The following RARB variants were observed in gnomAD, a reference collection of about 807,000 sequenced individuals.
RARB encodes HBV-activated protein.
Under a neutral mutation model 51.9 loss-of-function variants are expected in RARB, and 17 were observed. The observed-to-expected ratio is 0.33, with a 90% CI of 0.22 to 0.49. The LOEUF (loss-of-function observed/expected upper bound fraction) is 0.49. Among genes scored for constraint, RARB ranks in the 20% least tolerant of loss-of-function variants. The probability of loss-of-function intolerance (pLI) is 0.99; values close to 1 mark genes in which losing one functional copy is unlikely to be tolerated. For synonymous variants in RARB, 215 were observed against 195.4 expected (o/e 1.10, Z -0.84); for missense variants, 369 against 550.8 (o/e 0.67, Z 3.30).
intron 4 of RARB, among the ~76,000 whole-genome samples, chr3:25,579,411 T>G (rs1333676041): frequency 6.6e-6 from 1 of 152,228 alleles, no homozygotes; most frequent in Non-Finnish European, 1.5e-5. Context: ...TGAACTGTTC[T>G]CAATCACTAT....
chr3:25,179,773 ATTACT>A (rs1256007739), intron 5 of RARB, among the ~76,000 whole-genome samples: 2 of 152,146 alleles, frequency 1.3e-5, no homozygotes, highest in African/African-American at 4.8e-5. Flanking sequence ...ACAGGTATTG[ATTACT>A]TTAGTGCCTC....
chr3:25,183,315 C>G (rs1448989804), intron 5 of RARB, among the ~76,000 whole-genome samples: 16 of 152,064 alleles, frequency 1.1e-4, no homozygotes, highest in Non-Finnish European at 1.5e-5. Context: ...TTTATCCTGA[C>G]AGCTACAAGT....
chr3:25,220,299 T>C (rs761775434), intron 5 of RARB, among the ~76,000 whole-genome samples: 5 of 152,242 alleles, frequency 3.3e-5, no homozygotes, highest in Non-Finnish European at 7.3e-5. Flanking sequence ...GGAATTCATC[T>C]TGCAGTAACT....
intron 5 of RARB, among the ~76,000 whole-genome samples, chr3:25,296,840 T>C (rs1452487632): frequency 6.6e-6 from 1 of 152,182 alleles, no homozygotes; most frequent in Non-Finnish European, 1.5e-5. Context: ...GAGCCAGACA[T>C]CTCACTTGCA....
At chr3:25,234,356 G>T (rs1440384398) in intron 5 of RARB, among the ~76,000 whole-genome samples, 1 of 152,114 alleles carries the variant, frequency 6.6e-6, no homozygotes, top group African/African-American at 2.4e-5. Flanking sequence ...AGAGTCTGTA[G>T]TGATATCCTC....
At chr3:25,217,541 C>T (rs566657030) in intron 5 of RARB, among the ~76,000 whole-genome samples, 1 of 151,944 alleles carries the variant, frequency 6.6e-6, no homozygotes, top group South Asian at 2.1e-4. Flanking sequence ...CCAAGGGAGG[C>T]AAGATGGCAT....
At chr3:24,863,848 A>G (rs1702800081) in intron 2 of RARB, among the ~76,000 whole-genome samples, 1 of 151,820 alleles carries the variant, frequency 6.6e-6, no homozygotes, top group Non-Finnish European at 1.5e-5. Context: ...CTTCTTGCCC[A>G]CCCAGAAACT....
intron 3 of RARB, among the ~76,000 whole-genome samples, chr3:25,101,229 T>C (rs565213372): frequency 1.3e-5 from 2 of 152,272 alleles, no homozygotes; most frequent in East Asian, 3.9e-4. Flanking sequence ...TCAGAAAAGA[T>C]GCTTGATGAC....
intron 5 of RARB, among the ~76,000 whole-genome samples, chr3:25,226,049 C>T (rs1041320759): frequency 2.6e-5 from 4 of 152,058 alleles, no homozygotes; most frequent in African/African-American, 7.2e-5. Context: ...TAAAGGCAAC[C>T]GTAGCCTTTT....
chr3:25,056,291 A>C (rs979535169), intron 2 of RARB, among the ~76,000 whole-genome samples: 9 of 152,130 alleles, frequency 5.9e-5, no homozygotes, highest in Non-Finnish European at 1.2e-4. Context: ...TGGGTGTAGC[A>C]CATCAGGGGA....
intron 5 of RARB, among the ~76,000 whole-genome samples, chr3:25,188,221 C>CT (rs1701021093): frequency 6.6e-6 from 1 of 152,010 alleles, no homozygotes; most frequent in Admixed American, 6.6e-5. Context: ...TTTTATTTAT[C>CT]TTTATTCAGG....
At chr3:25,344,412 G>A (rs1474902883) in intron 5 of RARB, among the ~76,000 whole-genome samples, 1 of 152,148 alleles carries the variant, frequency 6.6e-6, no homozygotes, top group Admixed American at 6.5e-5. Context: ...AAGTGGTTGA[G>A]CTAATTAACA....
intron 2 of RARB, among the ~76,000 whole-genome samples, chr3:25,057,853 G>T (rs186093578): frequency 6.6e-6 from 1 of 151,868 alleles, no homozygotes; most frequent in African/African-American, 2.4e-5. Context: ...GACCAATAAA[G>T]TCTTCTAAAA....
intron 5 of RARB, among the ~76,000 whole-genome samples, chr3:25,176,280 A>G (rs1700740714): frequency 8.4e-6 from 1 of 119,084 alleles, no homozygotes; most frequent in Non-Finnish European, 1.9e-5. Flanking sequence ...ATTTATTTTT[A>G]TTTATATTTA....
At chr3:25,376,288 A>G (rs775237932) in intron 5 of RARB, among the ~76,000 whole-genome samples, 1 of 152,196 alleles carries the variant, frequency 6.6e-6, no homozygotes, top group East Asian at 1.9e-4. Flanking sequence ...TGCCTAGTGC[A>G]TAACACATAG....
intron 2 of RARB, among the ~76,000 whole-genome samples, chr3:24,912,616 G>A (rs918136731): frequency 6.6e-6 from 1 of 152,074 alleles, no homozygotes; most frequent in African/African-American, 2.4e-5. Context: ...TGGAACCAGG[G>A]CACAGGGCAA....
At chr3:25,029,322 T>A (rs1334087756) in intron 2 of RARB, among the ~76,000 whole-genome samples, 1 of 152,338 alleles carries the variant, frequency 6.6e-6, no homozygotes, top group South Asian at 2.1e-4. Context: ...GTGAGAAACC[T>A]AAGAGTCAAA....
At chr3:24,979,765 C>T (rs189394054) in intron 2 of RARB, among the ~76,000 whole-genome samples, 1 of 152,018 alleles carries the variant, frequency 6.6e-6, no homozygotes, top group Non-Finnish European at 1.5e-5. Context: ...GACATTTAAC[C>T]CATTTTCATT....
At chr3:25,045,540 A>T (rs770979794) in intron 2 of RARB, among the ~76,000 whole-genome samples, 2 of 152,158 alleles carry the variant, frequency 1.3e-5, no homozygotes, top group East Asian at 1.9e-4. Context: ...TTTGTGTTCA[A>T]CTGTCAAAAC....
Sources: gnomAD v4.1 joint callset for allele counts (sites outside exome capture counted in the v4.1 genomes callset) on GRCh38, gnomAD v4.1.1 for gene constraint, MANE v1.5 for transcripts, NCBI Gene and HGNC (gene_info 2026-07-23, HGNC 2026-07-21) for gene names.